PCGF3: variants seen among roughly 807,000 people sequenced by gnomAD.
PCGF3 encodes polycomb group ring finger 3, also known as polycomb group RING finger protein 3.
In PCGF3, 7 loss-of-function variants were observed where a neutral mutation model predicts 33.1. The ratio of observed to expected loss-of-function variants is 0.21; its 90% CI spans 0.12 to 0.40. The LOEUF (loss-of-function observed/expected upper bound fraction) is 0.40. PCGF3 is among the 10% of genes least tolerant of loss of function. The pLI is 1.00. For missense variants in PCGF3, 211 were observed against 313.3 expected (o/e 0.67, Z 2.46); for synonymous variants, 153 against 121.3 (o/e 1.26, Z -1.72).
At chr4:708,272 T>TGAG (rs1742421300) in intron 1 of PCGF3, among the ~76,000 whole-genome samples, 1 of 152,116 alleles carries the variant, frequency 6.6e-6, no homozygotes, top group South Asian at 2.1e-4. Flanking sequence ...GAGGACCTGA[T>TGAG]GAGAGCTGGA....
intron 1 of PCGF3, among the ~76,000 whole-genome samples, chr4:712,632 G>A (rs188026150): frequency 1.3e-4 from 20 of 152,162 alleles, no homozygotes; most frequent in Middle Eastern, 3.4e-3. Flanking sequence ...ATTTTTAGTA[G>A]AGATGGGGTT....
At chr4:734,742 A>G in intron 4 of PCGF3, 189 bp from the exon 5 acceptor site, 2 of 1,374,514 alleles carry the variant, frequency 1.5e-6, no homozygotes, top group Non-Finnish European at 9.4e-7. Flanking sequence ...GGCAATTAAA[A>G]CCTTCTCATT....
At chr4:729,779 T>C (rs1363688428) in intron 1 of PCGF3, among the ~76,000 whole-genome samples, 2 of 152,196 alleles carry the variant, frequency 1.3e-5, no homozygotes, top group Non-Finnish European at 2.9e-5. Flanking sequence ...GTAGAAATGA[T>C]ACAAACGGGG....
intron 1 of PCGF3, among the ~76,000 whole-genome samples, chr4:726,059 A>G (rs1311613320): frequency 6.6e-6 from 1 of 152,056 alleles, no homozygotes; most frequent in Non-Finnish European, 1.5e-5. Flanking sequence ...AGCAGTGGGC[A>G]GCCGCGGGCG....
intron 1 of PCGF3, among the ~76,000 whole-genome samples, chr4:719,087 T>G (rs943602965): frequency 1.5e-4 from 23 of 152,240 alleles, no homozygotes; most frequent in South Asian, 1.0e-3. Flanking sequence ...CCTGAGTAGC[T>G]GGGACTACAG....
intron 4 of PCGF3, 180 bp from the exon 5 acceptor site, chr4:734,751 T>C: frequency 7.2e-7 from 1 of 1,385,100 alleles, no homozygotes; most frequent in Non-Finnish European, 9.4e-7. Flanking sequence ...AACCTTCTCA[T>C]TGCTCCTGAG....
exon 11 of PCGF3, chr4:767,581 T>A (rs1211993411): frequency 1.3e-5 from 2 of 151,902 alleles, no homozygotes; most frequent in Admixed American, 6.6e-5. Flanking sequence ...TTTCTTCTGC[T>A]TCCTTTAGAT....
At chr4:732,721 T>C (rs1437137055) in intron 3 of PCGF3, among the ~76,000 whole-genome samples, 1 of 152,136 alleles carries the variant, frequency 6.6e-6, no homozygotes, top group African/African-American at 2.4e-5. Flanking sequence ...TGCAGCAGTT[T>C]GGGTCGCGGC....
intron 8 of PCGF3, among the ~76,000 whole-genome samples, chr4:754,037 T>C (rs1744655489): frequency 6.6e-6 from 1 of 152,196 alleles, no homozygotes; most frequent in Non-Finnish European, 1.5e-5. Context: ...TTGGTGGTCC[T>C]GGCACCCACA....
In PCGF3 at chr4:720,196, C is replaced by T. The variant is rs921636330; in HGVS notation, c.-189-10434C>T. On this transcript the variant is annotated intron_variant, in intron 1 of 10. Coordinates refer to ENST00000362003, the Ensembl canonical transcript of PCGF3. This position sits in a 1 kb window ranked among gnomAD's most constrained non-coding sequence, Gnocchi z 5.6. ...CCCTGCTGCCGGAGTATGCCAAGCA[C>T]GAGGGGCCAGGTGGCACACAGCACC... Among the ~76,000 whole-genome samples, 1 of 152,098 alleles carries T rather than the reference C, an allele frequency of 6.6e-6. No individual in the cohort carries two copies. The highest frequency in any genetic ancestry group is 1.5e-5 in the Non-Finnish European group (1 of 68,016).
exon 11 of PCGF3, chr4:766,213 A>C: frequency 1.5e-6 from 1 of 675,392 alleles, no homozygotes; most frequent in South Asian, 1.8e-5. Context: ...CTTTTGTATG[A>C]GAGAGAATTC....
exon 11 of PCGF3, chr4:767,831 A>T (rs531948214): frequency 6.6e-6 from 1 of 152,662 alleles, no homozygotes; most frequent in African/African-American, 2.4e-5. Context: ...GTCTATGAGT[A>T]GCTGTGTATG....
At chr4:734,980 C>A in exon 5 of PCGF3, 1 of 1,613,706 alleles carries the variant, frequency 6.2e-7, no homozygotes, top group Non-Finnish European at 8.5e-7. Flanking sequence ...ACACCTGCCC[C>A]ACCTGCAGGA....
intron 10 of PCGF3, among the ~76,000 whole-genome samples, chr4:765,682 G>A (rs1250051255): frequency 6.6e-6 from 1 of 152,138 alleles, no homozygotes; most frequent in Non-Finnish European, 1.5e-5. Context: ...GCTGCCTGGG[G>A]AGAGGGGGAG....
chr4:723,320 G>T (rs1266240717), intron 1 of PCGF3, among the ~76,000 whole-genome samples: 1 of 152,232 alleles, frequency 6.6e-6, no homozygotes, highest in African/African-American at 2.4e-5. Flanking sequence ...GGTGCATTTC[G>T]GAGGCTAGAA....
chr4:763,170 C>T (rs186257096), intron 9 of PCGF3, among the ~76,000 whole-genome samples: 139 of 152,288 alleles, frequency 9.1e-4, no homozygotes, highest in African/African-American at 2.9e-3. Context: ...AATGGGGCAA[C>T]GCTTTTTGCT....
chr4:763,567 A>G (rs1246222758), intron 9 of PCGF3, among the ~76,000 whole-genome samples: 1 of 152,246 alleles, frequency 6.6e-6, no homozygotes. Context: ...AATCCCAAGC[A>G]CTGACAACAC....
rs545700177 is a variant in PCGF3, at chr4:710,313, G to A, written c.-190+4343G>A. On this transcript the variant is annotated intron_variant, in intron 1 of 10. Coordinates refer to ENST00000362003, the Ensembl canonical transcript of PCGF3. ...GTTCCTTTCTCTATAGGGCAGCTCC[G>A]AGGGAGCCCATGCCTAGCCAGAGAG... Among the ~76,000 whole-genome samples the A allele has an allele frequency of 3.3e-5, 5 of 152,338 alleles. No individual in the cohort carries two copies. The East Asian group carries it at 5.8e-4, about 18-fold the overall frequency.
At chr4:761,880 A>T in intron 9 of PCGF3, 1 of 985,418 alleles carries the variant, frequency 1.0e-6, no homozygotes, top group Non-Finnish European at 1.2e-6. Flanking sequence ...CAGTGACACC[A>T]TGGGGATGCA....
Sources: gnomAD v4.1 joint callset for allele counts (sites outside exome capture counted in the v4.1 genomes callset) on GRCh38, gnomAD v4.1.1 for gene constraint, Gnocchi (gnomAD v3.1) non-coding constraint, MANE v1.5 for transcripts, NCBI Gene and HGNC (gene_info 2026-07-23, HGNC 2026-07-21) for gene names.